Variants in LDLRAD3 observed in about 807,000 individuals in gnomAD.
LDLRAD3 encodes low density lipoprotein receptor class A domain containing 3.
In LDLRAD3, 20 loss-of-function variants were observed where a neutral mutation model predicts 29.4. That is an observed-to-expected ratio of 0.68 (90% confidence interval 0.48 to 0.99). The LOEUF (loss-of-function observed/expected upper bound fraction) is 0.99. Among genes scored for constraint, LDLRAD3 ranks in the 50% least tolerant of loss-of-function variants. The pLI, the probability that LDLRAD3 is intolerant of heterozygous loss-of-function variation, is 0.00. For missense variants in LDLRAD3, 420 were observed against 454.3 expected, an observed-to-expected ratio of 0.92 and a Z score of 0.69; for synonymous variants, 157 against 192.7, an observed-to-expected ratio of 0.81 and a Z score of 1.53.
intron 4 of LDLRAD3, among the ~76,000 whole-genome samples, chr11:36,178,518 C>A (rs529786627): frequency 7.9e-5 from 12 of 152,310 alleles, no homozygotes; most frequent in Admixed American, 2.0e-4. Flanking sequence ...CTTCCAAATG[C>A]CCCTTTTGAG....
rs571151284 is a variant in LDLRAD3 at position 36,135,314 on chromosome 11, G to C, written c.454+36853G>C. On this transcript the variant is annotated intron_variant, in intron 4 of 5. Transcript: ENST00000315571. ...TGTGCATTTTGATTCTTGAAAGATT[G>C]ATTGCTGGCTTTTTGCCCTTTCCCC... 3.9e-5 allele frequency among the ~76,000 whole-genome samples: 6 copies of C among 152,292 alleles called. No homozygotes were observed. The South Asian group carries it at 1.2e-3, about 32-fold the overall frequency.
intron 1 of LDLRAD3, among the ~76,000 whole-genome samples, chr11:36,004,308 G>C (rs1219182247): frequency 6.6e-6 from 1 of 152,174 alleles, no homozygotes; most frequent in East Asian, 1.9e-4. Flanking sequence ...TGTTTCAAGT[G>C]GGGGAAATTG....
At chr11:36,074,704 C>T (rs1439356652) in intron 2 of LDLRAD3, among the ~76,000 whole-genome samples, 1 of 152,190 alleles carries the variant, frequency 6.6e-6, no homozygotes, top group Admixed American at 6.5e-5. Flanking sequence ...AGCCTATAAG[C>T]ATTCTTCCCT....
rs756902228 is a variant in LDLRAD3, at chr11:36,159,625, A to AAAAAAAAAAT, written c.454+61165_454+61166insAAAAAAAATA. On this transcript the variant is annotated intron_variant, in intron 4 of 5. Coordinates refer to ENST00000315571, the MANE Select transcript of LDLRAD3 (RefSeq NM_174902.4). ...ACTAAAAAAAAAAAAAAAAAAAAAA[A>AAAAAAAAAAT]AGCCAGATGTGGTGACATGCTCCTG... Among the ~76,000 whole-genome samples the AAAAAAAAAAT allele has an allele frequency of 2.3e-5, 3 of 132,898 alleles. 1 individual carries two copies. Among genetic ancestry groups the AAAAAAAAAAT allele is most frequent in the Non-Finnish European group, 1.6e-5 (1 of 62,940 alleles). 87.2% of individuals were successfully genotyped at this position (132,898 alleles called of 152,430 possible). A position where few individuals can be genotyped will look rare whatever the true frequency, so the allele number is the denominator to read the frequency against.
At chr11:36,228,538 A>G (rs150572059) in intron 5 of LDLRAD3, among the ~76,000 whole-genome samples, 1 of 152,346 alleles carries the variant, frequency 6.6e-6, no homozygotes, top group Non-Finnish European at 1.5e-5. Flanking sequence ...GCATGAAAGT[A>G]ATGCCCACCT....
chr11:35,961,376 G>C (rs887875188), intron 1 of LDLRAD3, among the ~76,000 whole-genome samples: 6 of 152,224 alleles, frequency 3.9e-5, no homozygotes, highest in African/African-American at 1.4e-4. Context: ...TCTGAGGTCA[G>C]ATCCTGGCTG....
intron 4 of LDLRAD3, among the ~76,000 whole-genome samples, chr11:36,149,742 G>A (rs11824729): frequency 0.087 from 13,288 of 152,190 alleles, 1,897 homozygotes; most frequent in African/African-American, 0.3. Flanking sequence ...CAGGGTATGA[G>A]GGCACTGAAC....
At chr11:36,082,738 C>T (rs1853134291) in intron 3 of LDLRAD3, among the ~76,000 whole-genome samples, 1 of 152,176 alleles carries the variant, frequency 6.6e-6, no homozygotes, top group African/African-American at 2.4e-5. Context: ...TTAACTACTC[C>T]TTGCCTTGGA....
intron 1 of LDLRAD3, among the ~76,000 whole-genome samples, chr11:35,957,800 AAAAAAAAAAAAAAAAG>A (rs1851222684): frequency 7.2e-6 from 1 of 138,052 alleles, no homozygotes; most frequent in Admixed American, 7.1e-5. Flanking sequence ...TATCTCAAAA[AAAAAAAAAAAAAAAAG>A]AAAAGAAAAG....
intron 1 of LDLRAD3, among the ~76,000 whole-genome samples, chr11:35,974,243 A>C (rs2133150191): frequency 6.6e-6 from 1 of 152,190 alleles, no homozygotes; most frequent in South Asian, 2.1e-4. Flanking sequence ...TTTTCTATTT[A>C]AATCTTTCCT....
intron 4 of LDLRAD3, among the ~76,000 whole-genome samples, chr11:36,159,839 C>T (rs953784023): frequency 3.9e-5 from 6 of 152,110 alleles, no homozygotes; most frequent in Admixed American, 6.5e-5. Context: ...ACAGAATAAC[C>T]ACCCCTACCC....
intron 4 of LDLRAD3, among the ~76,000 whole-genome samples, chr11:36,102,707 A>T (rs1257869815): frequency 6.6e-6 from 1 of 152,142 alleles, no homozygotes; most frequent in Non-Finnish European, 1.5e-5. Context: ...TGGCAACATA[A>T]CCCATTTCCA....
At chr11:36,006,214 A>T (rs978147581) in intron 1 of LDLRAD3, among the ~76,000 whole-genome samples, 1 of 152,050 alleles carries the variant, frequency 6.6e-6, no homozygotes. Flanking sequence ...TCCCTAAATT[A>T]TGTGGGCGCC....
At chr11:36,056,214 C>T (rs987103397) in intron 2 of LDLRAD3, among the ~76,000 whole-genome samples, 4 of 152,008 alleles carry the variant, frequency 2.6e-5, no homozygotes, top group East Asian at 1.9e-4. Flanking sequence ...AGGCTGGTCT[C>T]GAACTCCTGA....
intron 1 of LDLRAD3, among the ~76,000 whole-genome samples, chr11:35,984,354 A>G (rs1425344825): frequency 6.6e-6 from 1 of 151,956 alleles, no homozygotes; most frequent in Non-Finnish European, 1.5e-5. Flanking sequence ...GCCCTGGTTT[A>G]TAGAGAAGGG....
At chr11:35,981,737 C>T (rs1440818794) in intron 1 of LDLRAD3, among the ~76,000 whole-genome samples, 1 of 152,174 alleles carries the variant, frequency 6.6e-6, no homozygotes, top group Non-Finnish European at 1.5e-5. Flanking sequence ...TTGGCATCTC[C>T]CATCAAGTTG....
chr11:35,993,567 T>G (rs971942214), intron 1 of LDLRAD3, among the ~76,000 whole-genome samples: 1 of 151,018 alleles, frequency 6.6e-6, no homozygotes, highest in African/African-American at 2.4e-5. Flanking sequence ...GACATACAAG[T>G]CATTAGGGAG....
chr11:36,166,360 A>C lies in LDLRAD3; in HGVS notation c.455-60725A>C, dbSNP rs1854516077. Among the ~76,000 whole-genome samples, 3 of 152,206 alleles carry C rather than the reference A, an allele frequency of 2.0e-5. No homozygotes were observed. In the South Asian group the frequency reaches 6.2e-4, roughly 32 times the overall value. ...TCACATCGGCATGGCAGTGCCTCTC[A>C]GTGAGACATGGAAGGGGGAAAGGTG... is the stretch of plus-strand genomic sequence containing the variant. On this transcript the variant is annotated intron_variant, in intron 4 of 5. Transcript: ENST00000315571.
At chr11:35,985,914 C>G (rs1406619548) in intron 1 of LDLRAD3, among the ~76,000 whole-genome samples, 2 of 151,356 alleles carry the variant, frequency 1.3e-5, no homozygotes, top group Admixed American at 6.6e-5. Flanking sequence ...CAGACTAATA[C>G]AGTGGAGTTC....
Sources: allele counts gnomAD v4.1 joint callset (sites outside exome capture counted in the v4.1 genomes callset), GRCh38; gene constraint gnomAD v4.1.1; transcripts MANE v1.5; gene names NCBI Gene and HGNC (gene_info 2026-07-23, HGNC 2026-07-21).